The following SNTG1 variants were observed in gnomAD, a reference collection of about 807,000 sequenced individuals.
SNTG1 encodes gamma-1-syntrophin.
In SNTG1, 39 loss-of-function variants were observed where a neutral mutation model predicts 74.7. The observed-to-expected ratio is 0.52, with a 90% confidence interval of 0.40 to 0.68. The LOEUF (loss-of-function observed/expected upper bound fraction) is 0.68. Ranked by LOEUF, SNTG1 falls within the 30% of genes least tolerant of loss-of-function variation. The probability of loss-of-function intolerance (pLI) is 0.00; values close to 1 mark genes in which losing one functional copy is unlikely to be tolerated. For synonymous variants in SNTG1, 254 were observed against 217.1 expected, an observed-to-expected ratio of 1.17 and a Z score of -1.49; for missense variants, 685 against 609.5, an observed-to-expected ratio of 1.12 and a Z score of -1.30.
At chr8:49,948,163 C>T (rs747136695) in intron 1 of SNTG1, among the ~76,000 whole-genome samples, 6 of 151,964 alleles carry the variant, frequency 3.9e-5, no homozygotes, top group Middle Eastern at 3.2e-3. Context: ...AGAAAAAACA[C>T]AGAACCTCTT....
intron 1 of SNTG1, among the ~76,000 whole-genome samples, chr8:49,939,446 TG>T (rs914251997): frequency 2.0e-5 from 3 of 152,184 alleles, no homozygotes; most frequent in Non-Finnish European, 2.9e-5. Context: ...TAAAAAGCAA[TG>T]TACTACACTT....
At position 50,538,498 on chromosome 8, in the gene SNTG1, T is replaced by C. The variant is rs140636995; in HGVS notation, c.680+1690T>C. Among the ~76,000 whole-genome samples the C allele has an allele frequency of 3.7e-3, 564 of 152,314 alleles. 6 individuals carry two copies. Among genetic ancestry groups the C allele is most frequent in the African/African-American group, 0.012 (508 of 41,578 alleles). ...CAGACTTTGGAGTTGACAGTTCTTT[T>C]CTTTCAGTACCTAAAATATGTTAGG... On this transcript the variant is annotated intron_variant, in intron 11 of 18. Transcript: ENST00000642720.
At chr8:50,130,566 G>A (rs1022481496) in intron 1 of SNTG1, among the ~76,000 whole-genome samples, 27 of 152,072 alleles carry the variant, frequency 1.8e-4, no homozygotes, top group South Asian at 6.2e-4. Flanking sequence ...CTAAAAGAAT[G>A]CAAATACCAG....
chr8:50,025,195 G>A (rs371617675), intron 1 of SNTG1, among the ~76,000 whole-genome samples: 20 of 152,090 alleles, frequency 1.3e-4, no homozygotes, highest in East Asian at 5.8e-4. Context: ...TTATAAAAAC[G>A]TTAACTCTGG....
intron 12 of SNTG1, among the ~76,000 whole-genome samples, chr8:50,557,023 C>T (rs1450744796): frequency 6.6e-6 from 1 of 152,184 alleles, no homozygotes; most frequent in African/African-American, 2.4e-5. Flanking sequence ...CCCCATCTCA[C>T]ACCACTCAGA....
At chr8:50,667,618 C>G (rs537469867) in intron 15 of SNTG1, among the ~76,000 whole-genome samples, 12 of 151,984 alleles carry the variant, frequency 7.9e-5, no homozygotes, top group Non-Finnish European at 7.4e-5. Flanking sequence ...CTCCCCAAGT[C>G]CCTACCTCTT....
chr8:49,946,976 A>G (rs1417438612), intron 1 of SNTG1, among the ~76,000 whole-genome samples: 2 of 152,194 alleles, frequency 1.3e-5, no homozygotes, highest in African/African-American at 4.8e-5. Context: ...GCAATTCGTA[A>G]TAGCTACGAG....
At chr8:50,015,014 G>GAA (rs968461972) in intron 1 of SNTG1, among the ~76,000 whole-genome samples, 103 of 136,758 alleles carry the variant, frequency 7.5e-4, no homozygotes, top group Middle Eastern at 3.8e-3. Flanking sequence ...CACATGCACA[G>GAA]AAAAAAAAAA....
intron 15 of SNTG1, among the ~76,000 whole-genome samples, chr8:50,683,958 A>G (rs1413323312): frequency 6.6e-6 from 1 of 152,238 alleles, no homozygotes; most frequent in Non-Finnish European, 1.5e-5. Context: ...AAAAATTGGT[A>G]TAAGCTGCTA....
intron 1 of SNTG1, among the ~76,000 whole-genome samples, chr8:50,123,412 G>A (rs578121505): frequency 2.1e-5 from 3 of 142,526 alleles, no homozygotes; most frequent in Admixed American, 1.4e-4. Flanking sequence ...AGATAAACCA[G>A]TTGCACAAGA....
intron 18 of SNTG1, among the ~76,000 whole-genome samples, chr8:50,774,837 G>C (rs2095636062): frequency 6.6e-6 from 1 of 151,460 alleles, no homozygotes; most frequent in East Asian, 1.9e-4. Context: ...GAGTTATATA[G>C]AAACAAATTT....
intron 1 of SNTG1, among the ~76,000 whole-genome samples, chr8:49,925,024 G>A (rs576831555): frequency 2.0e-5 from 3 of 152,020 alleles, no homozygotes; most frequent in South Asian, 2.1e-4. Flanking sequence ...GTGGTGGTGT[G>A]TGCTGGCAGT....
rs5891365 is a variant in SNTG1, at chr8:50,442,680, T to TAAAAAAAAA, written c.219+4100_219+4108dup. On this transcript the variant is annotated intron_variant, in intron 5 of 18. Transcript: ENST00000642720. ...TTCTTTGTATTAATTTGTCTATCAG[T>TAAAAAAAAA]AAAAAAAAAAAAAAAAAAAAAAAAA... Among the ~76,000 whole-genome samples, 93 of 81,164 alleles carry TAAAAAAAAA rather than the reference T, an allele frequency of 1.1e-3. 1 individual carries two copies. Among genetic ancestry groups the TAAAAAAAAA allele is most frequent in the South Asian group, 7.7e-3 (15 of 1,936 alleles). The allele number at this position is 81,164 out of a possible 152,430, so 53.2% of individuals were successfully genotyped here. A position where few individuals can be genotyped will look rare whatever the true frequency, so the allele number is the denominator to read the frequency against.
At chr8:50,030,435 A>T (rs1406349933) in intron 1 of SNTG1, among the ~76,000 whole-genome samples, 3 of 152,026 alleles carry the variant, frequency 2.0e-5, no homozygotes. Flanking sequence ...ATAGGTCCCA[A>T]AGATTTCCTG....
intron 5 of SNTG1, among the ~76,000 whole-genome samples, chr8:50,445,320 T>A (rs770819534): frequency 6.6e-6 from 1 of 152,188 alleles, no homozygotes; most frequent in Non-Finnish European, 1.5e-5. Context: ...GTAGTTTCCT[T>A]TCTCTAAAAG....
chr8:50,075,299 G>A (rs1057083591), intron 1 of SNTG1, among the ~76,000 whole-genome samples: 1 of 152,172 alleles, frequency 6.6e-6, no homozygotes, highest in Non-Finnish European at 1.5e-5. Context: ...GGATCCACTA[G>A]GCAAAGCCAG....
intron 1 of SNTG1, among the ~76,000 whole-genome samples, chr8:50,096,571 G>A (rs943748539): frequency 2.0e-5 from 3 of 152,064 alleles, no homozygotes; most frequent in Admixed American, 6.6e-5. Flanking sequence ...TTCAAGTGAA[G>A]GGGCAGTTTA....
chr8:50,589,107 T>C (rs996172263), intron 12 of SNTG1, among the ~76,000 whole-genome samples: 3 of 152,130 alleles, frequency 2.0e-5, no homozygotes, highest in Non-Finnish European at 4.4e-5. Flanking sequence ...CTTGCCTTAT[T>C]TTTGAGCCGT....
At chr8:50,560,446 T>C (rs971338225) in intron 12 of SNTG1, among the ~76,000 whole-genome samples, 7 of 152,172 alleles carry the variant, frequency 4.6e-5, no homozygotes, top group African/African-American at 1.7e-4. Context: ...CTATTCACGA[T>C]AGCAAGGACA....
Sources: gnomAD v4.1 joint callset for allele counts (sites outside exome capture counted in the v4.1 genomes callset) on GRCh38, gnomAD v4.1.1 for gene constraint, MANE v1.5 for transcripts, NCBI Gene and HGNC (gene_info 2026-07-23, HGNC 2026-07-21) for gene names.